The following CNTN6 variants were observed in gnomAD, a reference collection of about 807,000 sequenced individuals.
The protein encoded by CNTN6 is contactin-6.
In CNTN6, 137 loss-of-function variants were observed where a neutral mutation model predicts 122.8. The ratio of observed to expected loss-of-function variants is 1.12; its 90% CI spans 0.97 to 1.29. CNTN6 has a LOEUF of 1.29. CNTN6 is among the 50% of genes most tolerant of loss of function. CNTN6 has a pLI of 0.00. For synonymous variants in CNTN6, 570 were observed against 426.0 expected, an observed-to-expected ratio of 1.34 and a Z score of -4.16; for missense variants, 1,634 against 1,223.4, an observed-to-expected ratio of 1.34 and a Z score of -5.01.
At chr3:1,186,906 C>T (rs1243377967) in intron 2 of CNTN6, among the ~76,000 whole-genome samples, 1 of 151,552 alleles carries the variant, frequency 6.6e-6, no homozygotes. Context: ...TTCCCTCTGC[C>T]CAAATACAGA....
At chr3:1,398,237 C>A (rs991327280) in intron 20 of CNTN6, among the ~76,000 whole-genome samples, 1 of 152,056 alleles carries the variant, frequency 6.6e-6, no homozygotes, top group Non-Finnish European at 1.5e-5. Context: ...TATATCAAAC[C>A]AGAACTGTTA....
At chr3:1,302,640 A>C (rs576214325) in intron 7 of CNTN6, among the ~76,000 whole-genome samples, 52 of 152,224 alleles carry the variant, frequency 3.4e-4, no homozygotes, top group South Asian at 1.9e-3. Context: ...GGCTTTTGTT[A>C]AATGTTTGTT....
At chr3:1,209,172 G>A (rs1252922309) in intron 2 of CNTN6, among the ~76,000 whole-genome samples, 1 of 152,076 alleles carries the variant, frequency 6.6e-6, no homozygotes, top group African/African-American at 2.4e-5. Context: ...CAAATCACAA[G>A]GTCACCATAG....
chr3:1,136,559 A>C (rs1421724020), intron 1 of CNTN6, among the ~76,000 whole-genome samples: 2 of 152,156 alleles, frequency 1.3e-5, no homozygotes, highest in African/African-American at 2.4e-5. Flanking sequence ...CATATTATTT[A>C]GCTGCATGGT....
At chr3:1,309,532 G>A (rs1426478674) in intron 7 of CNTN6, among the ~76,000 whole-genome samples, 5 of 152,080 alleles carry the variant, frequency 3.3e-5, no homozygotes, top group Admixed American at 3.3e-4. Context: ...GTAGCTTTAC[G>A]GTAAATCCTG....
At chr3:1,167,428 T>C (rs1013806429) in intron 2 of CNTN6, among the ~76,000 whole-genome samples, 6 of 152,218 alleles carry the variant, frequency 3.9e-5, no homozygotes, top group African/African-American at 1.4e-4. Context: ...TGTATCTTTT[T>C]ACTCTGTCTC....
chr3:1,373,593 T>C lies in CNTN6; in HGVS notation c.1787-11T>C, dbSNP rs772126051. ...TCTCCAATGGAGTCATGATAAAACATTTTTTTCAAGGTCCACCAGGTCCTC... is the reference window on the plus strand; with the variant it reads ...TCTCCAATGGAGTCATGATAAAACACTTTTTTCAAGGTCCACCAGGTCCTC... On this transcript the variant is annotated splice_polypyrimidine_tract_variant and intron_variant, in intron 14 of 22. Coordinates refer to ENST00000446702, the MANE Select transcript of CNTN6 (RefSeq NM_001289080.2). The C allele has an allele frequency of 1.9e-6, 3 of 1,607,956 alleles. No individual in the cohort carries two copies. The highest frequency in any genetic ancestry group is 2.7e-5 in the African/African-American group (2 of 74,618).
chr3:1,303,078 T>C (rs2125897981), intron 7 of CNTN6, among the ~76,000 whole-genome samples: 1 of 152,284 alleles, frequency 6.6e-6, no homozygotes, highest in East Asian at 1.9e-4. Context: ...TTATAACTTA[T>C]TTTATTTCCA....
intron 5 of CNTN6, among the ~76,000 whole-genome samples, chr3:1,283,361 T>G (rs976610371): frequency 1.3e-5 from 2 of 152,176 alleles, no homozygotes; most frequent in Admixed American, 1.3e-4. Context: ...CCACCATGGA[T>G]TCTCACTCAC....
At chr3:1,176,433 T>C (rs185550332) in intron 2 of CNTN6, among the ~76,000 whole-genome samples, 5 of 152,256 alleles carry the variant, frequency 3.3e-5, no homozygotes, top group Admixed American at 2.0e-4. Context: ...CAGATCAAAC[T>C]TGAGGCTGTT....
At chr3:1,102,494 G>T (rs1461155080) in intron 1 of CNTN6, among the ~76,000 whole-genome samples, 1 of 152,068 alleles carries the variant, frequency 6.6e-6, no homozygotes. Flanking sequence ...ACTTTGGGAG[G>T]CCGAGGTGGG....
At chr3:1,359,074 G>C (rs531617143) in intron 12 of CNTN6, among the ~76,000 whole-genome samples, 1 of 152,034 alleles carries the variant, frequency 6.6e-6, no homozygotes, top group South Asian at 2.1e-4. Context: ...AACAAAAAAG[G>C]TACAGAAGTC....
intron 7 of CNTN6, among the ~76,000 whole-genome samples, chr3:1,318,339 C>G (rs971730996): frequency 6.6e-6 from 1 of 151,302 alleles, no homozygotes; most frequent in Non-Finnish European, 1.5e-5. Flanking sequence ...GTCTTATATG[C>G]CATTCATGTT....
chr3:1,248,310 C>A (rs1575414311), intron 4 of CNTN6, among the ~76,000 whole-genome samples: 1 of 152,260 alleles, frequency 6.6e-6, no homozygotes, highest in African/African-American at 2.4e-5. Context: ...AAATAAACCA[C>A]ATGAGTATTT....
chr3:1,164,510 C>T (rs1386639316), intron 2 of CNTN6, among the ~76,000 whole-genome samples: 1 of 152,136 alleles, frequency 6.6e-6, no homozygotes, highest in Non-Finnish European at 1.5e-5. Context: ...CTGTACAGTT[C>T]AAATTTGTCA....
chr3:1,277,744 A>C (rs1304755669), intron 4 of CNTN6, among the ~76,000 whole-genome samples: 1 of 152,134 alleles, frequency 6.6e-6, no homozygotes, highest in Non-Finnish European at 1.5e-5. Flanking sequence ...GAAGTTAAAC[A>C]ATTTAGGAGA....
At chr3:1,328,473 A>G (rs554667359) in intron 10 of CNTN6, among the ~76,000 whole-genome samples, 21 of 151,930 alleles carry the variant, frequency 1.4e-4, no homozygotes, top group Middle Eastern at 3.4e-3. Flanking sequence ...CATTCTTTCT[A>G]TCGCTACTGT....
chr3:1,271,245 C>G (rs1156301997), intron 4 of CNTN6, among the ~76,000 whole-genome samples: 1 of 152,140 alleles, frequency 6.6e-6, no homozygotes, highest in Non-Finnish European at 1.5e-5. Context: ...CCATACAGAT[C>G]AATCAATTTC....
chr3:1,391,929 T>A (rs1433050154), intron 20 of CNTN6, among the ~76,000 whole-genome samples: 2 of 152,130 alleles, frequency 1.3e-5, no homozygotes, highest in African/African-American at 4.8e-5. Context: ...TGGAAGAACA[T>A]TCCATGCTCA....
Sources: allele counts gnomAD v4.1 joint callset (sites outside exome capture counted in the v4.1 genomes callset), GRCh38; gene constraint gnomAD v4.1.1; transcripts MANE v1.5; gene names NCBI Gene and HGNC (gene_info 2026-07-23, HGNC 2026-07-21).